OTOG: variants seen among roughly 807,000 people sequenced by gnomAD.
The protein encoded by OTOG is otogelin.
In OTOG, 296 loss-of-function variants were observed where a neutral mutation model predicts 313.8. The observed-to-expected ratio is 0.94, with a 90% CI of 0.86 to 1.04. OTOG has a LOEUF of 1.04. Among genes scored for constraint, OTOG ranks in the 50% least tolerant of loss-of-function variants. The pLI is 0.00. For synonymous variants in OTOG, 1,533 were observed against 1,554.9 expected (o/e 0.99, Z 0.33); for missense variants, 3,948 against 3,840.1 (o/e 1.03, Z -0.74).
At chr11:17,622,279 A>G (rs1853884201) in intron 39 of OTOG, among the ~76,000 whole-genome samples, 1 of 152,214 alleles carries the variant, frequency 6.6e-6, no homozygotes, top group Non-Finnish European at 1.5e-5. Context: ...TGTGGGGTAC[A>G]TAAGAGATTT....
rs756536271 is a variant in OTOG at position 17,641,008 on chromosome 11, C to A, written c.8107C>A (p.Arg2703Ser). 1 of 1,548,400 alleles carries A rather than the reference C, an allele frequency of 6.5e-7. No homozygotes were observed. Among genetic ancestry groups the A allele is most frequent in the African/African-American group, 1.4e-5 (1 of 73,142 alleles). ...AGCAGATGGCGTGTGCCACACCTCC[C>A]GCTGCACCACCGTGCTCGACCCTCT... ...LSADGVCHTS[R>S]CTTVLDPLTN... is the part of the protein sequence containing the mutation. The change falls in exon 51 of 56, where the codon CGC becomes AGC. Residue 2703 changes from arginine to serine, a missense_variant. Arg to Ser is a moderately radical substitution (Grantham distance 110, BLOSUM62 -1). Transcript: ENST00000399397.
At position 17,555,841 on chromosome 11, in the gene OTOG, C is replaced by G. The variant is rs1279178655; in HGVS notation, c.603C>G (p.Phe201Leu). 2 of 1,550,756 alleles carry G rather than the reference C, an allele frequency of 1.3e-6. No individual in the cohort carries two copies. The highest frequency in any genetic ancestry group is 2.7e-5 in the African/African-American group (2 of 73,060). ...CCTGCTCCAGGGCTGTCAGCCTCTT[C>G]TTTGTGGGTGAGCAGGAGATCCATC... is the stretch of plus-strand genomic sequence containing the variant. ...PYTCSRAVSL[F>L]FVGEQEIHLA... The change falls in exon 7 of 56, where the codon TTC becomes TTG. Residue 201 changes from phenylalanine (F) to leucine (L), a missense_variant. Physicochemically the swap from Phe to Leu is conservative, Grantham distance 22. Transcript: ENST00000399397.
intron 49 of OTOG, 52 bp downstream of exon 49, chr11:17,639,515 C>T (rs1847924024): frequency 2.0e-6 from 3 of 1,517,814 alleles, no homozygotes; most frequent in Admixed American, 3.9e-5. Flanking sequence ...CCTTTCCTTT[C>T]CTCTCTATCC....
At chr11:17,612,051 T>A in intron 36 of OTOG, 111 bp from the exon 37 acceptor site, 1 of 1,312,942 alleles carries the variant, frequency 7.6e-7, no homozygotes, top group Non-Finnish European at 1.0e-6. Flanking sequence ...CCCTAGAAGG[T>A]CCCCTGCCCC....
At chr11:17,585,476 T>C (rs1234231962) in intron 23 of OTOG, among the ~76,000 whole-genome samples, 4 of 152,216 alleles carry the variant, frequency 2.6e-5, no homozygotes, top group African/African-American at 9.6e-5. Flanking sequence ...TTCACTGATT[T>C]TTCTCTATTG....
rs140771924 is a variant in OTOG, at chr11:17,643,256, C to T, written c.8416-205C>T. On this transcript the variant is annotated intron_variant, in intron 53 of 55. Transcript: ENST00000399397. ...GTACCATCTTGACCCAGGCTCCTGC[C>T]GCAAGGGGGCTACGTGCAGCCTTAG... is the stretch of plus-strand genomic sequence containing the variant. Among the ~76,000 whole-genome samples the T allele has an allele frequency of 5.9e-3, 904 of 152,326 alleles. 27 individuals are homozygous for T. Among genetic ancestry groups the T allele is most frequent in the East Asian group, 6.4e-3 (33 of 5,186 alleles).
rs1853730594 is a variant in OTOG, at chr11:17,616,760, A to T, written c.6528+3059A>T. 2.0e-5 allele frequency among the ~76,000 whole-genome samples: 3 copies of T among 152,250 alleles called. No homozygotes were observed. The South Asian group carries it at 6.2e-4, about 32-fold the overall frequency. ...TACTAAGCTCAGTTATTAGTTCTTA[A>T]ATTCTTTGGGTTTTTCTACATAGAC... On this transcript the variant is annotated intron_variant, in intron 39 of 55. Coordinates refer to ENST00000399397, the MANE Select transcript of OTOG (RefSeq NM_001292063.2).
intron 26 of OTOG, 128 bp from the exon 27 acceptor site, chr11:17,593,482 A>AG (rs1853001816): frequency 1.4e-6 from 2 of 1,430,160 alleles, no homozygotes; most frequent in Admixed American, 2.1e-5. Context: ...GGCCAGGGTC[A>AG]GGAACACAGA....
chr11:17,634,155 G>GCC lies in OTOG; in HGVS notation c.7357_7358dup (p.Asp2454GlnfsTer97). ...CGGCTGCTGCCAGCACCAGTGCCAA[G>GCC]CCCCAGACACCATTGTCCCGGTGGA... On this transcript the variant is annotated frameshift_variant, in exon 44 of 56. Transcript: ENST00000399397. LOFTEE classifies it high-confidence loss of function. 1 of 1,549,940 alleles carries GCC rather than the reference G, an allele frequency of 6.5e-7. No homozygotes were observed. The highest frequency in any genetic ancestry group is 8.7e-7 in the Non-Finnish European group (1 of 1,146,958).
chr11:17,604,045 G>A (rs1853320312), intron 32 of OTOG, among the ~76,000 whole-genome samples: 1 of 152,190 alleles, frequency 6.6e-6, no homozygotes, highest in South Asian at 2.1e-4. Flanking sequence ...ATCTACAGAT[G>A]AGGGAACTGA....
intron 24 of OTOG, among the ~76,000 whole-genome samples, chr11:17,589,709 G>C (rs1457082718): frequency 6.6e-6 from 1 of 152,146 alleles, no homozygotes; most frequent in African/African-American, 2.4e-5. Context: ...TATACTTGCT[G>C]TTTCAACTTT....
Position 17,547,977 on chromosome 11 carries a change from G to A in OTOG, c.145G>A (p.Gly49Arg), listed in dbSNP as rs538904828. Residue 49 changes from glycine (G) to arginine (R), a missense_variant, in exon 2 of 56, where the codon GGG (glycine) becomes AGG (arginine). Transcript: ENST00000399397. Reference sequence around the variant, plus strand: ...TGCAGAGCCACAGCCAGAGCCAGCCGGGCAACCCAGGTGAGTAGGTGTGAG... The same window carrying A: ...TGCAGAGCCACAGCCAGAGCCAGCCAGGCAACCCAGGTGAGTAGGTGTGAG... Reference protein sequence around the residue: ...GSAEPQPEPAGQPSSSHQEAT... With the variant: ...GSAEPQPEPARQPSSSHQEAT... The A allele has an allele frequency of 6.8e-5, 41 of 605,866 alleles. 1 individual carries two copies. In the South Asian group the frequency reaches 1.0e-3, roughly 15 times the overall value. 37.5% of individuals were successfully genotyped at this position (605,866 alleles called of 1,614,324 possible).
At chr11:17,596,622 C>G (rs537521833) in intron 29 of OTOG, among the ~76,000 whole-genome samples, 2 of 152,342 alleles carry the variant, frequency 1.3e-5, no homozygotes, top group East Asian at 3.9e-4. Context: ...GCTCCTGGAT[C>G]AAACAGCCCA....
chr11:17,573,298 C>A lies in OTOG; in HGVS notation c.2293+8C>A. 6.6e-7 allele frequency: 1 copy of A among 1,516,146 alleles called. No homozygotes were observed. The highest frequency in any genetic ancestry group is 8.8e-7 in the Non-Finnish European group (1 of 1,134,142). The allele number at this position is 1,516,146 out of a possible 1,614,324, so 93.9% of individuals were successfully genotyped here. ...CCCGCCTGCCAGCCTGTGGTGAGTG[C>A]CCCACCCATGTGAGGCTGAGCTGGA... On this transcript the variant is annotated splice_region_variant and intron_variant, in intron 19 of 55. Coordinates refer to ENST00000399397, the MANE Select transcript of OTOG (RefSeq NM_001292063.2).
chr11:17,548,310 CTGGAGT>C, intron 3 of OTOG, 98 bp downstream of exon 3: 1 of 1,066,714 alleles, frequency 9.4e-7, no homozygotes, highest in Non-Finnish European at 1.3e-6. Flanking sequence ...GGAGGGGTCT[CTGGAGT>C]TGTTCAGAAA....
Position 17,612,735 on chromosome 11 carries a change from C to A in OTOG, c.6408C>A (p.Val2136=), listed in dbSNP as rs1038338230. The A allele has an allele frequency of 1.2e-5, 18 of 1,550,508 alleles. No homozygotes were observed. Among genetic ancestry groups the A allele is most frequent in the Non-Finnish European group, 1.6e-5 (18 of 1,147,010 alleles). The change falls in exon 38 of 56, where the codon GTC becomes GTA. Residue 2136 remains valine (V), a synonymous_variant. Coordinates refer to ENST00000399397, the MANE Select transcript of OTOG (RefSeq NM_001292063.2). ...LSQSPDEMLT[V]HVLDCKSANL... is the part of the protein sequence containing the mutation. ...AGAGCCCAGATGAAATGCTCACCGT[C>A]CATGTACTGGACTGCAAAAGTGCCA...
At position 17,645,560 on chromosome 11, in the gene OTOG, C is replaced by A. The variant is rs1390502470; in HGVS notation, c.8462-4C>A. 1 of 1,550,442 alleles carries A rather than the reference C, an allele frequency of 6.4e-7. No individual in the cohort carries two copies. ...ACAGCTGCCTCATCCCCCTGTCCCC[C>A]CAGGTAAGGAGGATGGGCGCTCCTG... is the stretch of plus-strand genomic sequence containing the variant. On this transcript the variant is annotated splice_region_variant and splice_polypyrimidine_tract_variant and intron_variant, in intron 54 of 55. Transcript: ENST00000399397.
At chr11:17,639,632 CCTT>C (rs1390291574) in intron 49 of OTOG, among the ~76,000 whole-genome samples, 169 bp downstream of exon 49, 2 of 152,142 alleles carry the variant, frequency 1.3e-5, no homozygotes, top group Non-Finnish European at 2.9e-5. Flanking sequence ...ATGGTGCCCT[CCTT>C]TGTAAAGTGG....
intron 6 of OTOG, among the ~76,000 whole-genome samples, chr11:17,554,296 G>C (rs1171514752): frequency 3.3e-5 from 5 of 152,174 alleles, no homozygotes; most frequent in African/African-American, 1.2e-4. Context: ...GTCTGGTTTT[G>C]GGTTGGTTTT....
Sources: gnomAD v4.1 joint callset for allele counts (sites outside exome capture counted in the v4.1 genomes callset) on GRCh38, gnomAD v4.1.1 for gene constraint, MANE v1.5 for transcripts, NCBI Gene and HGNC (gene_info 2026-07-23, HGNC 2026-07-21) for gene names.